The following PCSK2 variants were observed in gnomAD, a reference collection of about 807,000 sequenced individuals.
PCSK2 encodes neuroendocrine convertase 2.
PCSK2 carries 14 observed loss-of-function variants against 69.7 expected under a neutral mutation model. That is an observed-to-expected ratio of 0.20 (90% confidence interval 0.13 to 0.31). PCSK2 has a LOEUF of 0.31. Ranked by LOEUF, PCSK2 falls within the 10% of genes least tolerant of loss-of-function variation. PCSK2 has a pLI of 1.00. For synonymous variants in PCSK2, 307 were observed against 320.7 expected, an observed-to-expected ratio of 0.96 and a Z score of 0.46; for missense variants, 544 against 842.5, an observed-to-expected ratio of 0.65 and a Z score of 4.39.
intron 6 of PCSK2, among the ~76,000 whole-genome samples, chr20:17,426,426 C>G (rs2032250549): frequency 6.6e-6 from 1 of 152,188 alleles, no homozygotes; most frequent in South Asian, 2.1e-4. Context: ...TGAAAACAGA[C>G]TAATATGGGT....
intron 6 of PCSK2, among the ~76,000 whole-genome samples, chr20:17,427,095 A>G (rs1373766974): frequency 1.3e-5 from 2 of 152,232 alleles, no homozygotes; most frequent in Non-Finnish European, 2.9e-5. Flanking sequence ...CTTCACATCT[A>G]TCTAAGCTTC....
chr20:17,407,859 C>T (rs779766821), intron 5 of PCSK2, among the ~76,000 whole-genome samples: 1 of 152,126 alleles, frequency 6.6e-6, no homozygotes, highest in Non-Finnish European at 1.5e-5. Flanking sequence ...AGACTCCAGG[C>T]AAATTACTGG....
chr20:17,465,066 A>G (rs2033076878), intron 10 of PCSK2: 5 of 495,646 alleles, frequency 1.0e-5, no homozygotes, highest in Non-Finnish European at 1.8e-5. Context: ...CATTTTAGCC[A>G]TTCCGGTGTG....
intron 6 of PCSK2, among the ~76,000 whole-genome samples, chr20:17,428,086 G>A (rs927350677): frequency 6.6e-6 from 1 of 152,190 alleles, no homozygotes; most frequent in Non-Finnish European, 1.5e-5. Context: ...GCAATGAAAT[G>A]TTTCTTCCCA....
In PCSK2 at chr20:17,384,492, C is replaced by T. The variant is rs532904190; in HGVS notation, c.543+15215C>T. ...TGTCACATACCTGTAATCCCAGCTA[C>T]TTGGGAGGCTGAGGCAGGAGAATTG... On this transcript the variant is annotated intron_variant, in intron 5 of 11. Coordinates refer to ENST00000262545, the MANE Select transcript of PCSK2 (RefSeq NM_002594.5). 3.3e-5 allele frequency among the ~76,000 whole-genome samples: 5 copies of T among 150,856 alleles called. No homozygotes were observed. The South Asian group carries it at 1.0e-3, about 32-fold the overall frequency.
chr20:17,449,363 T>C (rs2032762000), intron 8 of PCSK2, among the ~76,000 whole-genome samples: 1 of 152,154 alleles, frequency 6.6e-6, no homozygotes, highest in African/African-American at 2.4e-5. Context: ...CATTTCCCTT[T>C]TGGGTTTTAG....
chr20:17,273,636 T>G (rs1374642661), intron 2 of PCSK2, among the ~76,000 whole-genome samples: 1 of 152,206 alleles, frequency 6.6e-6, no homozygotes, highest in Admixed American at 6.5e-5. Context: ...TCAGTGTTCC[T>G]TAAACTGTGT....
intron 2 of PCSK2, among the ~76,000 whole-genome samples, chr20:17,351,301 A>G (rs1343720968): frequency 3.9e-5 from 6 of 152,154 alleles, no homozygotes; most frequent in Non-Finnish European, 8.8e-5. Context: ...TACCAATTCT[A>G]TGAATCTATT....
At position 17,446,178 on chromosome 20, in the gene PCSK2, G is replaced by A. The variant is rs1027689770; in HGVS notation, c.886-7564G>A. Among the ~76,000 whole-genome samples, 4 of 152,206 alleles carry A rather than the reference G, an allele frequency of 2.6e-5. No individual in the cohort carries two copies. The East Asian group carries it at 5.8e-4, about 22-fold the overall frequency. On this transcript the variant is annotated intron_variant, in intron 8 of 11. Coordinates refer to ENST00000262545, the MANE Select transcript of PCSK2 (RefSeq NM_002594.5). Reference sequence around the variant, plus strand: ...ACAATGGCTGGATCCTTTGAGCAGTGAGACAGAATAACACAGGATTCTGAC... The same window carrying A: ...ACAATGGCTGGATCCTTTGAGCAGTAAGACAGAATAACACAGGATTCTGAC...
At chr20:17,262,323 A>G (rs1439024742) in intron 2 of PCSK2, among the ~76,000 whole-genome samples, 1 of 152,222 alleles carries the variant, frequency 6.6e-6, no homozygotes. Context: ...CCAACAGAAA[A>G]TAGCAGAAAA....
At chr20:17,473,087 CTTT>C (rs10648323) in intron 11 of PCSK2, among the ~76,000 whole-genome samples, 5 of 76,800 alleles carry the variant, frequency 6.5e-5, no homozygotes, top group South Asian at 5.4e-4. Context: ...AAGAAGAACT[CTTT>C]TTTTTTTTTT....
At chr20:17,377,211 T>C (rs1431413961) in intron 5 of PCSK2, among the ~76,000 whole-genome samples, 1 of 152,250 alleles carries the variant, frequency 6.6e-6, no homozygotes, top group Non-Finnish European at 1.5e-5. Flanking sequence ...GAGGACAAAT[T>C]ATGTTCTTTG....
chr20:17,409,438 C>T (rs1348159515), intron 6 of PCSK2, 99 bp downstream of exon 6: 1 of 783,346 alleles, frequency 1.3e-6, no homozygotes, highest in East Asian at 2.5e-5. Context: ...AAATAATCCC[C>T]ATGCTTCATT....
At position 17,435,319 on chromosome 20, in the gene PCSK2, G is replaced by A. The variant is rs1247398713; in HGVS notation, c.710-1389G>A. 2.0e-5 allele frequency among the ~76,000 whole-genome samples: 3 copies of A among 152,178 alleles called. No homozygotes were observed. The East Asian group carries it at 5.8e-4, about 29-fold the overall frequency. On this transcript the variant is annotated intron_variant, in intron 7 of 11. Coordinates refer to ENST00000262545, the MANE Select transcript of PCSK2 (RefSeq NM_002594.5). ...ATGGAAGTGAACAAAATAGACACAT[G>A]CCCTATACTCAAAGACCATGCCATC...
chr20:17,378,115 A>G (rs1332097694), intron 5 of PCSK2, among the ~76,000 whole-genome samples: 2 of 152,228 alleles, frequency 1.3e-5, no homozygotes, highest in East Asian at 3.8e-4. Flanking sequence ...TAATTACATT[A>G]TAATATGCTT....
rs566737412 is a variant in PCSK2 at position 17,411,445 on chromosome 20, A to G, written c.620+2106A>G. 2.6e-5 allele frequency among the ~76,000 whole-genome samples: 4 copies of G among 151,542 alleles called. No individual in the cohort carries two copies. The East Asian group carries it at 7.9e-4, about 30-fold the overall frequency. Reference sequence around the variant, plus strand: ...CTCACTGCTAGTGCAGCAGTCTGAGATTGATCTGCAAGGCAGCAGCCTGAT... The same window carrying G: ...CTCACTGCTAGTGCAGCAGTCTGAGGTTGATCTGCAAGGCAGCAGCCTGAT... On this transcript the variant is annotated intron_variant, in intron 6 of 11. Transcript: ENST00000262545.
intron 2 of PCSK2, among the ~76,000 whole-genome samples, chr20:17,286,824 T>C (rs1286814903): frequency 6.6e-6 from 1 of 152,200 alleles, no homozygotes; most frequent in Non-Finnish European, 1.5e-5. Context: ...TCACAGTCTG[T>C]ATCAGAATCA....
chr20:17,420,646 T>G (rs1014294529), intron 6 of PCSK2, among the ~76,000 whole-genome samples: 2 of 152,236 alleles, frequency 1.3e-5, no homozygotes, highest in African/African-American at 4.8e-5. Context: ...TTAGTTCTAC[T>G]TTGTAAGCTA....
In PCSK2 at chr20:17,295,095, G is replaced by C. The variant is rs74508801; in HGVS notation, c.282+34751G>C. On this transcript the variant is annotated intron_variant, in intron 2 of 11. Coordinates refer to ENST00000262545, the MANE Select transcript of PCSK2 (RefSeq NM_002594.5). ...TTTCCTATCTCTTGTTTTTCTCATA[G>C]CAAATTGTTCATATCATAGTGATAG... is the stretch of plus-strand genomic sequence containing the variant. Among the ~76,000 whole-genome samples, 3 of 151,866 alleles carry C rather than the reference G, an allele frequency of 2.0e-5. No individual in the cohort carries two copies. In the East Asian group the frequency reaches 5.8e-4, roughly 29 times the overall value.
Sources: gnomAD v4.1 joint callset for allele counts (sites outside exome capture counted in the v4.1 genomes callset) on GRCh38, gnomAD v4.1.1 for gene constraint, MANE v1.5 for transcripts, NCBI Gene and HGNC (gene_info 2026-07-23, HGNC 2026-07-21) for gene names.